CSMD1: variants seen among roughly 807,000 people sequenced by gnomAD.
The protein encoded by CSMD1 is CUB and Sushi multiple domains 1.
In CSMD1, 213 loss-of-function variants were observed where a neutral mutation model predicts 417.5. That is an observed-to-expected ratio of 0.51 (90% confidence interval 0.46 to 0.57). The LOEUF (loss-of-function observed/expected upper bound fraction) is 0.57. Among genes scored for constraint, CSMD1 ranks in the 20% least tolerant of loss-of-function variants. The pLI is 0.00. For missense variants in CSMD1, 6,923 were observed against 4,529.7 expected (o/e 1.53, Z -15.17); for synonymous variants, 2,862 against 1,736.8 (o/e 1.65, Z -16.11).
In CSMD1 at chr8:4,568,237, C is replaced by T. The variant is rs531814629; in HGVS notation, c.302+69105G>A. On this transcript the variant is annotated intron_variant, in intron 2 of 69. Transcript: ENST00000635120. ...ATGTTTACTGCACCCAACAACACAT[C>T]ATTTACATTAGGGATTTCCCCTAAT... is the stretch of plus-strand genomic sequence containing the variant. 8.5e-5 allele frequency among the ~76,000 whole-genome samples: 13 copies of T among 152,218 alleles called. No individual in the cohort carries two copies. In the East Asian group the frequency reaches 2.5e-3, roughly 29 times the overall value.
intron 3 of CSMD1, among the ~76,000 whole-genome samples, chr8:4,338,729 T>C (rs76033813): frequency 0.044 from 6,641 of 152,212 alleles, 196 homozygotes; most frequent in Middle Eastern, 0.082. Context: ...CTCAGATTTT[T>C]TTCGCCTAAT....
In CSMD1 at chr8:3,409,474, T is replaced by A; in HGVS notation, c.1693A>T (p.Ile565Phe). The stretch of plus-strand genomic sequence containing the variant: ...CACTGATTGTTCTGCTGACAGGTGA[T>A]AACTCTCTCCCCCACCAGCTCAAAG... ...AAFELVGERV[I>F]TCQQNNQWSG... Residue 565 changes from isoleucine to phenylalanine, a missense_variant, in exon 13 of 70, where the codon ATC becomes TTC. Transcript: ENST00000635120. The A allele has an allele frequency of 6.2e-7, 1 of 1,611,654 alleles. No homozygotes were observed. Among genetic ancestry groups the A allele is most frequent in the Non-Finnish European group, 8.5e-7 (1 of 1,178,954 alleles).
intron 2 of CSMD1, among the ~76,000 whole-genome samples, chr8:4,511,319 T>C (rs1350813656): frequency 2.0e-5 from 3 of 152,164 alleles, no homozygotes; most frequent in African/African-American, 4.8e-5. Context: ...ACTGCCCTCA[T>C]AGACAGCACA....
At chr8:4,950,415 G>C (rs575508592) in intron 1 of CSMD1, among the ~76,000 whole-genome samples, 8 of 151,184 alleles carry the variant, frequency 5.3e-5, no homozygotes, top group East Asian at 4.0e-4. Context: ...AGCGTTTTTA[G>C]ATTCTTTTAT....
chr8:4,319,663 C>A (rs752866807), intron 3 of CSMD1, among the ~76,000 whole-genome samples: 16 of 151,974 alleles, frequency 1.1e-4, no homozygotes, highest in Middle Eastern at 3.4e-3. Context: ...GAAAGAGAGG[C>A]CAGGGAACAG....
At chr8:4,685,007 A>G (rs2116732241) in intron 1 of CSMD1, among the ~76,000 whole-genome samples, 1 of 152,320 alleles carries the variant, frequency 6.6e-6, no homozygotes, top group African/African-American at 2.4e-5. Flanking sequence ...AACATAGAAC[A>G]ACGGGACTCA....
At chr8:3,252,377 T>C (rs1215184328) in intron 26 of CSMD1, among the ~76,000 whole-genome samples, 1 of 152,238 alleles carries the variant, frequency 6.6e-6, no homozygotes, top group Non-Finnish European at 1.5e-5. Context: ...TTGATTTGCA[T>C]ATGTTGAACC....
intron 2 of CSMD1, among the ~76,000 whole-genome samples, chr8:4,583,369 C>G (rs1345813712): frequency 2.0e-5 from 3 of 152,076 alleles, no homozygotes; most frequent in African/African-American, 4.8e-5. Context: ...CATTCTGTAT[C>G]TAGCTCAAGG....
chr8:4,835,902 G>A (rs1224069281), intron 1 of CSMD1, among the ~76,000 whole-genome samples: 1 of 151,544 alleles, frequency 6.6e-6, no homozygotes, highest in African/African-American at 2.4e-5. Flanking sequence ...TTCTCTTTTT[G>A]GAAATGTAAG....
intron 5 of CSMD1, among the ~76,000 whole-genome samples, chr8:3,896,619 C>T (rs1023120081): frequency 6.6e-6 from 1 of 152,044 alleles, no homozygotes; most frequent in Admixed American, 6.6e-5. Context: ...TCACGCCATT[C>T]TCCTGCCTCA....
intron 3 of CSMD1, among the ~76,000 whole-genome samples, chr8:4,269,955 C>A (rs117888668): frequency 0.018 from 2,740 of 152,254 alleles, 46 homozygotes; most frequent in Non-Finnish European, 0.028. Context: ...GAAACCACGA[C>A]CTCTCTGAGG....
At chr8:3,103,649 G>A (rs1815916275) in intron 46 of CSMD1, among the ~76,000 whole-genome samples, 3 of 151,892 alleles carry the variant, frequency 2.0e-5, no homozygotes, top group Admixed American at 6.6e-5. Context: ...CATGCAGTGC[G>A]TGATTATTCT....
At chr8:4,175,845 A>G (rs1798009346) in intron 3 of CSMD1, among the ~76,000 whole-genome samples, 1 of 152,198 alleles carries the variant, frequency 6.6e-6, no homozygotes, top group Admixed American at 6.5e-5. Context: ...GTAACTGGAA[A>G]GAAATAACCA....
intron 1 of CSMD1, among the ~76,000 whole-genome samples, chr8:4,714,793 A>T (rs1243155285): frequency 6.6e-6 from 1 of 152,218 alleles, no homozygotes; most frequent in African/African-American, 2.4e-5. Context: ...AAAATTTGGG[A>T]TTAAAATAGA....
chr8:4,781,252 G>C (rs1390080921), intron 1 of CSMD1, among the ~76,000 whole-genome samples: 4 of 152,304 alleles, frequency 2.6e-5, no homozygotes, highest in South Asian at 2.1e-4. Flanking sequence ...AGCATGATGA[G>C]GGAATGCCCT....
intron 7 of CSMD1, among the ~76,000 whole-genome samples, chr8:3,666,896 C>A (rs1041348441): frequency 6.6e-6 from 1 of 152,116 alleles, no homozygotes; most frequent in Non-Finnish European, 1.5e-5. Flanking sequence ...TGAAAATGAA[C>A]TATTACACCT....
chr8:3,493,651 C>T lies in CSMD1; in HGVS notation c.1420G>A (p.Val474Met). 4.3e-6 allele frequency: 7 copies of T among 1,611,848 alleles called. No individual in the cohort carries two copies. The highest frequency in any genetic ancestry group is 5.9e-6 in the Non-Finnish European group (7 of 1,179,110). Residue 474 changes from valine (V) to methionine (M), a missense_variant, in exon 11 of 70, where the codon GTG (valine) becomes ATG (methionine). Transcript: ENST00000635120. ...TACAAGACCGATCTGGTGTCTCCCACCTTCCCAGCATCACCAACCGTCAGG... is the reference window on the plus strand; with the variant it reads ...TACAAGACCGATCTGGTGTCTCCCATCTTCCCAGCATCACCAACCGTCAGG... ...DTLTVGDAGK[V>M]GDTRSVLYVL...
intron 3 of CSMD1, among the ~76,000 whole-genome samples, chr8:4,152,965 T>G (rs940844564): frequency 2.0e-5 from 3 of 152,222 alleles, no homozygotes; most frequent in African/African-American, 4.8e-5. Context: ...GGTATTTGCC[T>G]TCATTTTTCT....
At chr8:4,390,808 T>A (rs145188819) in intron 3 of CSMD1, among the ~76,000 whole-genome samples, 2 of 152,264 alleles carry the variant, frequency 1.3e-5, no homozygotes, top group African/African-American at 2.4e-5. Flanking sequence ...CCCAAAGTGC[T>A]GGGATTACAG....
Sources: allele counts gnomAD v4.1 joint callset (sites outside exome capture counted in the v4.1 genomes callset), GRCh38; gene constraint gnomAD v4.1.1; transcripts MANE v1.5; gene names NCBI Gene and HGNC (gene_info 2026-07-23, HGNC 2026-07-21).